RGS21: variants seen among roughly 807,000 people sequenced by gnomAD.
RGS21 encodes regulator of G-protein signalling 21.
In RGS21, 19 loss-of-function variants were observed where a neutral mutation model predicts 18.7. That is an observed-to-expected ratio of 1.01 (90% CI 0.71 to 1.49). The LOEUF (loss-of-function observed/expected upper bound fraction) is 1.49, where lower values mean the gene tolerates loss of function less well. Ranked by LOEUF, RGS21 falls within the 40% of genes most tolerant of loss-of-function variation. RGS21 has a pLI of 0.00. For synonymous variants in RGS21, 56 were observed against 57.8 expected, an observed-to-expected ratio of 0.97 and a Z score of 0.14; for missense variants, 194 against 176.8, an observed-to-expected ratio of 1.10 and a Z score of -0.55.
chr1:192,328,358 A>G (rs1464799202), intron 1 of RGS21, among the ~76,000 whole-genome samples: 1 of 152,198 alleles, frequency 6.6e-6, no homozygotes, highest in Non-Finnish European at 1.5e-5. Context: ...ACCTAAAATT[A>G]GTTGATTTTA....
chr1:192,351,139 A>T (rs1419880719), intron 3 of RGS21, among the ~76,000 whole-genome samples: 1 of 152,122 alleles, frequency 6.6e-6, no homozygotes, highest in Non-Finnish European at 1.5e-5. Context: ...GAGGAGGAGG[A>T]AAACACTATA....
At chr1:192,339,070 G>C (rs1658813249) in intron 1 of RGS21, among the ~76,000 whole-genome samples, 1 of 151,978 alleles carries the variant, frequency 6.6e-6, no homozygotes, top group Non-Finnish European at 1.5e-5. Flanking sequence ...TAACCAAGGA[G>C]ATAATGCTCA....
chr1:192,352,318 G>A lies in RGS21; in HGVS notation c.255+105G>A, dbSNP rs78746010. On this transcript the variant is annotated intron_variant, in intron 4 of 4. Coordinates refer to ENST00000417209, the MANE Select transcript of RGS21 (RefSeq NM_001039152.3). ...AAAGATAATCAAATTCTCAGTATGT[G>A]TTTAAATAGAAAATGTCAGTAGATT... The A allele has an allele frequency of 4.6e-3, 3,426 of 749,874 alleles. 97 individuals are homozygous for A. In the East Asian group the frequency reaches 0.078, roughly 17 times the overall value. The allele number at this position is 749,874 out of a possible 1,614,324, so 46.5% of individuals were successfully genotyped here. A position where few individuals can be genotyped will look rare whatever the true frequency, so the allele number is the denominator to read the frequency against.
intron 1 of RGS21, among the ~76,000 whole-genome samples, chr1:192,337,607 T>C (rs1256605024): frequency 6.6e-6 from 1 of 152,098 alleles, no homozygotes; most frequent in Non-Finnish European, 1.5e-5. Context: ...GTATACACGA[T>C]GGCAACACAG....
intron 1 of RGS21, among the ~76,000 whole-genome samples, chr1:192,328,106 A>T (rs1266725032): frequency 6.6e-6 from 1 of 152,168 alleles, no homozygotes; most frequent in Non-Finnish European, 1.5e-5. Flanking sequence ...TCTCAACTTT[A>T]AAAAAGAAGG....
chr1:192,340,222 T>A (rs1189019203), intron 1 of RGS21, among the ~76,000 whole-genome samples: 1 of 152,036 alleles, frequency 6.6e-6, no homozygotes, highest in Non-Finnish European at 1.5e-5. Context: ...GTCCATAAGA[T>A]CTCCCATATT....
intron 1 of RGS21, among the ~76,000 whole-genome samples, chr1:192,321,588 T>C (rs962469585): frequency 1.3e-5 from 2 of 152,038 alleles, no homozygotes; most frequent in Non-Finnish European, 2.9e-5. Flanking sequence ...TGACACTTCA[T>C]AAAAAGGAGC....
At chr1:192,363,375 G>A (rs905201783) in intron 4 of RGS21, among the ~76,000 whole-genome samples, 1 of 152,110 alleles carries the variant, frequency 6.6e-6, no homozygotes. Flanking sequence ...AGGTTCCTCT[G>A]CTTAACCACT....
At chr1:192,347,237 A>C in intron 2 of RGS21, 76 bp from the exon 3 acceptor site, 1 of 870,348 alleles carries the variant, frequency 1.1e-6, no homozygotes, top group South Asian at 1.6e-5. Context: ...TGAATGATGT[A>C]ACTCAAAATA....
intron 3 of RGS21, 86 bp downstream of exon 3, chr1:192,347,475 A>G (rs1658969773): frequency 3.0e-6 from 2 of 675,394 alleles, no homozygotes; most frequent in Non-Finnish European, 2.6e-6. Flanking sequence ...ATCATAAAGT[A>G]TGAGTTTAAT....
intron 1 of RGS21, among the ~76,000 whole-genome samples, chr1:192,332,549 A>G (rs1248547062): frequency 1.3e-5 from 2 of 152,208 alleles, no homozygotes; most frequent in Admixed American, 1.3e-4. Context: ...GACCTGGGGA[A>G]GAGTCATTAG....
chr1:192,342,875 A>G, intron 1 of RGS21, 102 bp from the exon 2 acceptor site: 1 of 611,432 alleles, frequency 1.6e-6, no homozygotes, highest in Non-Finnish European at 3.0e-6. Context: ...AACAAAAATA[A>G]AAAAGCTGAG....
At chr1:192,358,598 A>G (rs1659140643) in intron 4 of RGS21, among the ~76,000 whole-genome samples, 1 of 152,020 alleles carries the variant, frequency 6.6e-6, no homozygotes, top group Non-Finnish European at 1.5e-5. Flanking sequence ...TTACTTATGC[A>G]TGCACACACC....
Position 192,347,341 on chromosome 1 carries a change from GA to G in RGS21, c.43del (p.Thr15GlnfsTer2). 1.2e-6 allele frequency: 2 copies of G among 1,608,694 alleles called. No homozygotes were observed. The highest frequency in any genetic ancestry group is 1.7e-6 in the Non-Finnish European group (2 of 1,175,900). ...CTGTTTCTACAGGTCACCAACTGCGGAAACAATGACATGGTCTGAAAATATG... is the reference window on the plus strand; with the variant it reads ...CTGTTTCTACAGGTCACCAACTGCGGAACAATGACATGGTCTGAAAATATG... ...KCCFYRSPTA[E>X]TMTWSENMDT... is the part of the protein sequence containing the mutation. On this transcript the variant is annotated frameshift_variant, in exon 3 of 5. Transcript: ENST00000417209. LOFTEE classifies it high-confidence loss of function.
In RGS21 at chr1:192,366,087, A is replaced by T; in HGVS notation, c.422A>T (p.Gln141Leu). 1 of 1,611,440 alleles carries T rather than the reference A, an allele frequency of 6.2e-7. No individual in the cohort carries two copies. Residue 141 changes from glutamine (Q) to leucine (L), a missense_variant, in exon 5 of 5, where the codon CAG becomes CTG. Coordinates refer to ENST00000417209, the MANE Select transcript of RGS21 (RefSeq NM_001039152.3). ...TATAAAAAACTGGTAAATAGCCAAC[A>T]GGTTCCAAATCATAAAAAATGGCTC... is the stretch of plus-strand genomic sequence containing the variant. ...EIYKKLVNSQ[Q>L]VPNHKKWLPF...
chr1:192,352,175 A>T lies in RGS21; in HGVS notation c.217A>T (p.Ile73Phe). 1 of 1,610,768 alleles carries T rather than the reference A, an allele frequency of 6.2e-7. No homozygotes were observed. The highest frequency in any genetic ancestry group is 1.1e-5 in the South Asian group (1 of 90,822). ...CAAAATTGCTTCCAAAGCCAAGATG[A>T]TTTATTCTGAATTCATTGAAGCTGA... Reference protein sequence around the residue: ...ADKIASKAKMIYSEFIEADAP... With the variant: ...ADKIASKAKMFYSEFIEADAP... Residue 73 changes from isoleucine to phenylalanine, a missense_variant, in exon 4 of 5, where the codon ATT (isoleucine) becomes TTT (phenylalanine). Coordinates refer to ENST00000417209, the MANE Select transcript of RGS21 (RefSeq NM_001039152.3).
chr1:192,356,297 T>A (rs755011017), intron 4 of RGS21, among the ~76,000 whole-genome samples: 1 of 151,794 alleles, frequency 6.6e-6, no homozygotes, highest in Non-Finnish European at 1.5e-5. Context: ...ATAAAATCCC[T>A]CCATGGAAGA....
intron 1 of RGS21, among the ~76,000 whole-genome samples, chr1:192,326,871 C>T (rs1557973915): frequency 1.3e-5 from 2 of 152,098 alleles, no homozygotes; most frequent in Admixed American, 6.6e-5. Flanking sequence ...AATTAATGTA[C>T]AGATCTGCAT....
chr1:192,318,934 T>C (rs912289435), intron 1 of RGS21, among the ~76,000 whole-genome samples: 1 of 152,090 alleles, frequency 6.6e-6, no homozygotes, highest in Admixed American at 6.6e-5. Context: ...ATAAAATCCA[T>C]TTTAAGAGTT....
Sources: allele counts gnomAD v4.1 joint callset (sites outside exome capture counted in the v4.1 genomes callset), GRCh38; gene constraint gnomAD v4.1.1; transcripts MANE v1.5; gene names NCBI Gene and HGNC (gene_info 2026-07-23, HGNC 2026-07-21).